The following PRMT8 variants were observed in gnomAD, a reference collection of about 807,000 sequenced individuals.
The protein encoded by PRMT8 is protein arginine N-methyltransferase 8.
A neutral mutation model predicts 47.1 loss-of-function variants in PRMT8; 7 were observed. The observed-to-expected ratio is 0.15, with a 90% confidence interval of 0.08 to 0.28. PRMT8 has a LOEUF of 0.28. Among genes scored for constraint, PRMT8 ranks in the 10% least tolerant of loss-of-function variants. The pLI, the probability that PRMT8 is intolerant of heterozygous loss-of-function variation, is 1.00. For missense variants in PRMT8, 237 were observed against 505.4 expected (o/e 0.47, Z 5.09); for synonymous variants, 188 against 186.5 (o/e 1.01, Z -0.07).
Position 3,483,163 on chromosome 12 carries a change from C to T in PRMT8, c.49-57443C>T, listed in dbSNP as rs531900792. Among the ~76,000 whole-genome samples the T allele has an allele frequency of 1.3e-3, 192 of 152,284 alleles. 1 individual carries two copies. Among genetic ancestry groups the T allele is most frequent in the Middle Eastern group, 3.4e-3 (1 of 294 alleles). On this transcript the variant is annotated intron_variant, in intron 1 of 9. Coordinates refer to the PRMT8 transcript ENST00000452611. ...TGTGGGGATTGGTGGGTGTGCTCCACGGGAAGCACACAGCACAGCACCCGG... is the reference window on the plus strand; with the variant it reads ...TGTGGGGATTGGTGGGTGTGCTCCATGGGAAGCACACAGCACAGCACCCGG...
chr12:3,556,137 T>G (rs1405005948), intron 4 of PRMT8, among the ~76,000 whole-genome samples: 2 of 152,036 alleles, frequency 1.3e-5, no homozygotes, highest in East Asian at 3.9e-4. Flanking sequence ...TCCAGGTAGG[T>G]GCGCTGAGTC....
chr12:3,446,946 C>T (rs1430023189), intron 1 of PRMT8, among the ~76,000 whole-genome samples: 7 of 152,346 alleles, frequency 4.6e-5, no homozygotes, highest in Admixed American at 4.6e-4. Context: ...AACAATTCCA[C>T]ATGTGTGGTA....
At chr12:3,575,106 A>G (rs534611848) in intron 6 of PRMT8, among the ~76,000 whole-genome samples, 1 of 152,320 alleles carries the variant, frequency 6.6e-6, no homozygotes, top group South Asian at 2.1e-4. Context: ...TTTGATGGGC[A>G]TCTTTTCCTC....
chr12:3,448,898 C>T (rs79182408), intron 1 of PRMT8, among the ~76,000 whole-genome samples: 3,905 of 152,090 alleles, frequency 0.026, 174 homozygotes, highest in African/African-American at 0.088. Context: ...TCTCCTTGCA[C>T]CCCCATAGGC....
intron 1 of PRMT8, among the ~76,000 whole-genome samples, chr12:3,421,846 G>C (rs887116314): frequency 1.3e-5 from 2 of 152,236 alleles, no homozygotes; most frequent in Non-Finnish European, 2.9e-5. Flanking sequence ...CATGAGCAAC[G>C]GGATGGAGGC....
At position 3,419,923 on chromosome 12, in the gene PRMT8, G is replaced by A. The variant is rs188404626; in HGVS notation, c.48+38481G>A. On this transcript the variant is annotated intron_variant, in intron 1 of 9. Transcript: ENST00000452611. ...TATGTTGGTGATGGAGCCAGAGGGA[G>A]CCAAGAAAGATCACAGGAATGGGGG... Among the ~76,000 whole-genome samples the A allele has an allele frequency of 2.3e-3, 323 of 141,820 alleles. 2 individuals carry two copies. Among genetic ancestry groups the A allele is most frequent in the Middle Eastern group, 3.5e-3 (1 of 284 alleles). 93.0% of individuals were successfully genotyped at this position (141,820 alleles called of 152,430 possible).
chr12:3,496,451 G>C (rs1201649865), intron 1 of PRMT8, among the ~76,000 whole-genome samples: 1 of 151,282 alleles, frequency 6.6e-6, no homozygotes, highest in Admixed American at 6.6e-5. Context: ...TTATTACAGG[G>C]GTTAGGGAAT....
At chr12:3,563,792 C>T (rs952403460) in intron 4 of PRMT8, among the ~76,000 whole-genome samples, 9 of 152,122 alleles carry the variant, frequency 5.9e-5, no homozygotes, top group African/African-American at 2.4e-5. Flanking sequence ...AATAATAAAA[C>T]CAAGCACACA....
At chr12:3,465,931 A>G (rs1439523297) in intron 1 of PRMT8, among the ~76,000 whole-genome samples, 1 of 151,936 alleles carries the variant, frequency 6.6e-6, no homozygotes, top group Non-Finnish European at 1.5e-5. Flanking sequence ...TGTAGTCAAC[A>G]CTCCTACCTA....
chr12:3,582,730 G>A (rs559092779), intron 7 of PRMT8, among the ~76,000 whole-genome samples: 6 of 152,144 alleles, frequency 3.9e-5, no homozygotes, highest in Non-Finnish European at 8.8e-5. Flanking sequence ...CAGGTGAAGG[G>A]ATGCATTGTC....
rs1016876585 is a variant in PRMT8 at position 3,456,740 on chromosome 12, C to T, written c.48+75298C>T. Among the ~76,000 whole-genome samples the T allele has an allele frequency of 2.6e-5, 4 of 151,954 alleles. No homozygotes were observed. Among genetic ancestry groups the T allele is most frequent in the East Asian group, 1.9e-4 (1 of 5,186 alleles). On this transcript the variant is annotated intron_variant, in intron 1 of 9. Coordinates refer to the PRMT8 transcript ENST00000452611. This position sits in a 1 kb window ranked among gnomAD's most constrained non-coding sequence, Gnocchi z 4.2. ...GAACCCGTGAGAAGGGGCCAACGCC[C>T]GGAGCAGCCACCGTTTCTTACACCC...
rs770027076 is a variant in PRMT8, at chr12:3,540,586, C to T, written c.76-20C>T. The T allele has an allele frequency of 6.6e-6, 10 of 1,510,408 alleles. No homozygotes were observed. The highest frequency in any genetic ancestry group is 5.1e-5 in the Admixed American group (3 of 59,378). The allele number at this position is 1,510,408 out of a possible 1,614,324, so 93.6% of individuals were successfully genotyped here. On this transcript the variant is annotated intron_variant, in intron 1 of 9. Transcript: ENST00000382622. ...CCCCGTTGTCTCTCCTAACACCCGA[C>T]CCCCTTCTCTTCCCCTCAGGTGAAC...
intron 1 of PRMT8, among the ~76,000 whole-genome samples, chr12:3,399,304 C>A (rs1864294688): frequency 6.6e-6 from 1 of 152,156 alleles, no homozygotes; most frequent in Non-Finnish European, 1.5e-5. Flanking sequence ...AAGTTGGCGA[C>A]TGGGGAGCTG....
At chr12:3,488,952 C>G (rs977000524), upstream of PRMT8, among the ~76,000 whole-genome samples, 1 of 152,140 alleles carries the variant, frequency 6.6e-6, no homozygotes, top group African/African-American at 2.4e-5. Context: ...AGGAACAGCA[C>G]CTCTTTGTTC....
chr12:3,585,366 T>TC (rs1867148558), intron 8 of PRMT8, among the ~76,000 whole-genome samples: 2 of 134,300 alleles, frequency 1.5e-5, no homozygotes, highest in African/African-American at 5.7e-5. Flanking sequence ...TTTTTTTTTT[T>TC]TTTTTTCTCA....
At chr12:3,419,893 G>A (rs1864521848) in intron 1 of PRMT8, among the ~76,000 whole-genome samples, 1 of 150,400 alleles carries the variant, frequency 6.6e-6, no homozygotes, top group Non-Finnish European at 1.5e-5. Flanking sequence ...TCATCATGCT[G>A]TGAGTATGTT....
intron 1 of PRMT8, among the ~76,000 whole-genome samples, chr12:3,397,252 G>A (rs1170276075): frequency 6.6e-6 from 1 of 151,954 alleles, no homozygotes; most frequent in Non-Finnish European, 1.5e-5. Flanking sequence ...CATTGCTGGT[G>A]AGGAACTGCG....
In PRMT8 at chr12:3,448,567, A is replaced by G. The variant is rs550023899; in HGVS notation, c.48+67125A>G. Among the ~76,000 whole-genome samples the G allele has an allele frequency of 3.3e-5, 5 of 152,266 alleles. No homozygotes were observed. In the East Asian group the frequency reaches 9.7e-4, roughly 29 times the overall value. On this transcript the variant is annotated intron_variant, in intron 1 of 9. Transcript: ENST00000452611. ...TTTGTTGTAGGAAGTTCTCCAGTGC[A>G]TTGTAGACGGTGAGCAGCATCACTG... is the stretch of plus-strand genomic sequence containing the variant.
intron 1 of PRMT8, among the ~76,000 whole-genome samples, chr12:3,458,772 G>A (rs1371852932): frequency 6.6e-6 from 1 of 152,114 alleles, no homozygotes; most frequent in Non-Finnish European, 1.5e-5. Flanking sequence ...TGTGGCATGG[G>A]TGTCACCCCA....
Sources: gnomAD v4.1 joint callset for allele counts (sites outside exome capture counted in the v4.1 genomes callset) on GRCh38, gnomAD v4.1.1 for gene constraint, Gnocchi (gnomAD v3.1) non-coding constraint, MANE v1.5 for transcripts, NCBI Gene and HGNC (gene_info 2026-07-23, HGNC 2026-07-21) for gene names.